CSMD1: variants seen among roughly 807,000 people sequenced by gnomAD.
The protein encoded by CSMD1 is CUB and Sushi multiple domains 1, also known as CUB and sushi domain-containing protein 1.
Under a neutral mutation model 417.5 loss-of-function variants are expected in CSMD1, and 213 were observed. The observed-to-expected ratio is 0.51, with a 90% CI of 0.46 to 0.57. The LOEUF (loss-of-function observed/expected upper bound fraction) is 0.57. Ranked by LOEUF, CSMD1 falls within the 20% of genes least tolerant of loss-of-function variation. The probability of loss-of-function intolerance (pLI) is 0.00; values close to 1 mark genes in which losing one functional copy is unlikely to be tolerated. For synonymous variants in CSMD1, 2,862 were observed against 1,736.8 expected (o/e 1.65, Z -16.11); for missense variants, 6,923 against 4,529.7 (o/e 1.53, Z -15.17).
intron 12 of CSMD1, among the ~76,000 whole-genome samples, chr8:3,435,368 G>A (rs950108847): frequency 6.6e-6 from 1 of 152,124 alleles, no homozygotes. Flanking sequence ...CATCAGCCCA[G>A]CCACCCAGTC....
At chr8:4,424,140 T>A (rs1585052357) in intron 2 of CSMD1, among the ~76,000 whole-genome samples, 2 of 151,214 alleles carry the variant, frequency 1.3e-5, no homozygotes, top group Admixed American at 1.3e-4. Context: ...CTAGACAGAG[T>A]TTCTATGCTT....
At chr8:4,527,768 C>G (rs917082275) in intron 2 of CSMD1, among the ~76,000 whole-genome samples, 1 of 152,184 alleles carries the variant, frequency 6.6e-6, no homozygotes, top group African/African-American at 2.4e-5. Flanking sequence ...ACAATCGTAG[C>G]TATTCATTCT....
intron 33 of CSMD1, among the ~76,000 whole-genome samples, chr8:3,197,640 A>G (rs899259236): frequency 6.6e-6 from 1 of 151,570 alleles, no homozygotes; most frequent in Non-Finnish European, 1.5e-5. Context: ...TAATTTTTGT[A>G]TTTTTAGTAG....
At chr8:4,886,238 C>G (rs1585264896) in intron 1 of CSMD1, among the ~76,000 whole-genome samples, 2 of 152,022 alleles carry the variant, frequency 1.3e-5, no homozygotes, top group East Asian at 3.9e-4. Context: ...CAAACCACTG[C>G]CTCGGCCTCT....
At chr8:4,628,991 A>G (rs1802338323) in intron 2 of CSMD1, among the ~76,000 whole-genome samples, 1 of 152,196 alleles carries the variant, frequency 6.6e-6, no homozygotes, top group African/African-American at 2.4e-5. Flanking sequence ...TCAGATCCGC[A>G]AATAAAATGT....
chr8:4,713,105 T>C (rs1248215538), intron 1 of CSMD1, among the ~76,000 whole-genome samples: 2 of 152,186 alleles, frequency 1.3e-5, no homozygotes, highest in African/African-American at 4.8e-5. Flanking sequence ...ATTAAAGTCA[T>C]TCATTTGAGT....
Position 3,029,358 on chromosome 8 carries a change from C to A in CSMD1, c.7816G>T (p.Gly2606Trp). ...CTCTCATCTCCTATGTTCCACGTCCCATTGGCCTGGCACCGCAGGAGCCTC... is the reference window on the plus strand; with the variant it reads ...CTCTCATCTCCTATGTTCCACGTCCAATTGGCCTGGCACCGCAGGAGCCTC... Reference protein sequence around the residue: ...GWRLLRCQANGTWNIGDERPS... With the variant: ...GWRLLRCQANWTWNIGDERPS... The change falls in exon 51 of 70, where the codon GGG (glycine) becomes TGG (tryptophan). Residue 2606 changes from glycine to tryptophan, a missense_variant. Gly to Trp is a radical substitution (Grantham distance 184, BLOSUM62 -2). Transcript: ENST00000635120. 2 of 1,610,996 alleles carry A rather than the reference C, an allele frequency of 1.2e-6. No homozygotes were observed. Among genetic ancestry groups the A allele is most frequent in the Middle Eastern group, 1.7e-4 (1 of 6,010 alleles).
chr8:4,651,021 C>T (rs181774434), intron 1 of CSMD1, among the ~76,000 whole-genome samples: 113 of 152,196 alleles, frequency 7.4e-4, no homozygotes, highest in Non-Finnish European at 1.5e-3. Flanking sequence ...GGACCATTTG[C>T]AATATTCACT....
chr8:3,132,898 G>A (rs561707476), intron 41 of CSMD1, among the ~76,000 whole-genome samples: 48 of 152,202 alleles, frequency 3.2e-4, no homozygotes, highest in African/African-American at 1.2e-3. Context: ...CCCACTCCCA[G>A]CCTTCTGTGC....
rs927235533 is a variant in CSMD1 at position 4,091,450 on chromosome 8, G to A, written c.416-59351C>T. ...GTTATTATTTGCACTTTTGCTCCAC[G>A]TCAGAAAAACAGCAAACAGAGGGAT... On this transcript the variant is annotated intron_variant, in intron 3 of 69. Coordinates refer to ENST00000635120, the MANE Select transcript of CSMD1 (RefSeq NM_033225.6). Among the ~76,000 whole-genome samples the A allele has an allele frequency of 7.9e-5, 12 of 152,180 alleles. No individual in the cohort carries two copies. The South Asian group carries it at 8.3e-4, about 11-fold the overall frequency.
intron 5 of CSMD1, among the ~76,000 whole-genome samples, chr8:3,921,532 C>G (rs1247269637): frequency 5.3e-5 from 8 of 151,968 alleles, no homozygotes; most frequent in African/African-American, 1.9e-4. Context: ...GCCATCATTT[C>G]TGTAAACTTC....
intron 11 of CSMD1, among the ~76,000 whole-genome samples, chr8:3,485,522 A>T (rs911655027): frequency 3.0e-5 from 2 of 67,406 alleles, no homozygotes; most frequent in African/African-American, 1.2e-4. Flanking sequence ...GAACTTCATA[A>T]CAATACACAC....
intron 10 of CSMD1, among the ~76,000 whole-genome samples, chr8:3,558,941 G>C (rs1205687665): frequency 6.6e-6 from 1 of 152,190 alleles, no homozygotes; most frequent in Non-Finnish European, 1.5e-5. Flanking sequence ...CGAGGTCCCA[G>C]AGTAGCCCAG....
chr8:4,168,530 G>A (rs189295995), intron 3 of CSMD1, among the ~76,000 whole-genome samples: 1 of 152,022 alleles, frequency 6.6e-6, no homozygotes, highest in South Asian at 2.1e-4. Context: ...ATAAGTTACA[G>A]ACACAGAACA....
intron 3 of CSMD1, among the ~76,000 whole-genome samples, chr8:4,366,642 T>C (rs369911265): frequency 6.6e-6 from 1 of 152,188 alleles, no homozygotes; most frequent in Non-Finnish European, 1.5e-5. Flanking sequence ...AGAGATGGTA[T>C]CTCATCGTGG....
chr8:4,061,393 C>G (rs1241473456), intron 3 of CSMD1, among the ~76,000 whole-genome samples: 1 of 152,190 alleles, frequency 6.6e-6, no homozygotes, highest in Admixed American at 6.5e-5. Context: ...AAGTGCACAA[C>G]AGATTAAATC....
At chr8:4,718,587 G>A (rs571193459) in intron 1 of CSMD1, among the ~76,000 whole-genome samples, 1 of 151,510 alleles carries the variant, frequency 6.6e-6, no homozygotes, top group Admixed American at 6.6e-5. Flanking sequence ...TGAAAAGGAG[G>A]AGATAAACAT....
chr8:3,718,526 C>A (rs1043087480), intron 6 of CSMD1, among the ~76,000 whole-genome samples: 7 of 152,130 alleles, frequency 4.6e-5, no homozygotes, highest in African/African-American at 1.7e-4. Context: ...TGTTGATATT[C>A]CTGATTGGTT....
intron 18 of CSMD1, among the ~76,000 whole-genome samples, chr8:3,374,491 G>A (rs1810184394): frequency 6.6e-6 from 1 of 152,162 alleles, no homozygotes; most frequent in Non-Finnish European, 1.5e-5. Context: ...AACGAGGTCT[G>A]ATTTATTCTA....
Sources: allele counts gnomAD v4.1 joint callset (sites outside exome capture counted in the v4.1 genomes callset), GRCh38; gene constraint gnomAD v4.1.1; transcripts MANE v1.5; gene names NCBI Gene and HGNC (gene_info 2026-07-23, HGNC 2026-07-21).